Variants in TTLL11 observed in about 807,000 individuals in gnomAD.
The protein encoded by TTLL11 is tubulin tyrosine ligase like 11.
A neutral mutation model predicts 51.7 loss-of-function variants in TTLL11; 42 were observed. The observed-to-expected ratio is 0.81, with a 90% CI of 0.64 to 1.05. The LOEUF is 1.05. Among genes scored for constraint, TTLL11 ranks in the 50% least tolerant of loss-of-function variants. TTLL11 has a pLI of 0.00. For missense variants in TTLL11, 799 were observed against 940.4 expected, an observed-to-expected ratio of 0.85 and a Z score of 1.97; for synonymous variants, 381 against 383.5, an observed-to-expected ratio of 0.99 and a Z score of 0.08.
chr9:122,024,764 T>G (rs1411365353), intron 3 of TTLL11, among the ~76,000 whole-genome samples: 2 of 152,158 alleles, frequency 1.3e-5, no homozygotes, highest in African/African-American at 4.8e-5. Context: ...TTACACCATA[T>G]ACAAAAATTA....
At chr9:122,021,012 C>G (rs1265799374) in intron 3 of TTLL11, among the ~76,000 whole-genome samples, 2 of 152,200 alleles carry the variant, frequency 1.3e-5, no homozygotes, top group Non-Finnish European at 2.9e-5. Flanking sequence ...GTTATGTAGT[C>G]ATTCTTTTAG....
Position 121,903,732 on chromosome 9 carries a change from G to A in TTLL11, c.1482-32984C>T, listed in dbSNP as rs192570753. ...TTACACACACAGATATCCCATAGGC[G>A]CCCAGTGGCTGGTATAAGGCAGTCA... On this transcript the variant is annotated intron_variant, in intron 6 of 8. Transcript: ENST00000321582. Among the ~76,000 whole-genome samples, 123 of 152,154 alleles carry A rather than the reference G, an allele frequency of 8.1e-4. 3 individuals are homozygous for A. The highest frequency in any genetic ancestry group is 2.6e-3 in the Admixed American group (40 of 15,282).
intron 6 of TTLL11, among the ~76,000 whole-genome samples, chr9:121,931,141 C>T (rs536279447): frequency 6.6e-6 from 1 of 152,378 alleles, no homozygotes; most frequent in South Asian, 2.1e-4. Flanking sequence ...CCCTGCTCCA[C>T]CTGGCTCAGC....
chr9:121,824,404 A>T (rs1490971435), intron 8 of TTLL11, among the ~76,000 whole-genome samples: 1 of 149,564 alleles, frequency 6.7e-6, no homozygotes, highest in Non-Finnish European at 1.5e-5. Context: ...TGAACCAGGA[A>T]GTCAGAGGTT....
intron 8 of TTLL11, among the ~76,000 whole-genome samples, chr9:121,826,173 T>TAA (rs1554756620): frequency 2.9e-5 from 2 of 69,640 alleles, no homozygotes; most frequent in Admixed American, 1.9e-4. Context: ...TATATATATA[T>TAA]AACCAGTAAC....
chr9:121,866,919 T>C (rs573816158), intron 7 of TTLL11, among the ~76,000 whole-genome samples: 1 of 152,192 alleles, frequency 6.6e-6, no homozygotes, highest in Non-Finnish European at 1.5e-5. Flanking sequence ...CAGGACCTAA[T>C]AGTCCCTAAT....
chr9:121,995,271 C>T lies in TTLL11; in HGVS notation c.694-5501G>A, dbSNP rs1037188960. On this transcript the variant is annotated intron_variant, in intron 3 of 8. Coordinates refer to ENST00000321582, the MANE Select transcript of TTLL11 (RefSeq NM_001139442.2). The surrounding 1 kb of genome is among the most constrained non-coding windows in gnomAD (Gnocchi z 4.4). ...ACCCCAAACACCCTGTATTTATACT[C>T]GATCTGCAGGCGAAGGATGGAGTTT... 1.3e-5 allele frequency among the ~76,000 whole-genome samples: 2 copies of T among 152,068 alleles called. No homozygotes were observed. Among genetic ancestry groups the T allele is most frequent in the Non-Finnish European group, 2.9e-5 (2 of 68,014 alleles).
chr9:122,065,282 GTAATTTAGCCTCGC>G (rs1564382272), intron 1 of TTLL11, among the ~76,000 whole-genome samples: 5 of 152,160 alleles, frequency 3.3e-5, no homozygotes. Context: ...GTTCCTCGAA[GTAATTTAGCCTCGC>G]AAGAAGAAAA....
At chr9:121,911,376 AAC>A (rs1456475151) in intron 6 of TTLL11, among the ~76,000 whole-genome samples, 1 of 152,142 alleles carries the variant, frequency 6.6e-6, no homozygotes, top group Non-Finnish European at 1.5e-5. Context: ...CAGCCTGGGA[AAC>A]AGAGTGAGAC....
In TTLL11 at chr9:121,854,148, G is replaced by A. The variant is rs115742492; in HGVS notation, c.1840+6189C>T. On this transcript the variant is annotated intron_variant, in intron 8 of 8. Coordinates refer to ENST00000321582, the MANE Select transcript of TTLL11 (RefSeq NM_001139442.2). The stretch of plus-strand genomic sequence containing the variant: ...GAGGTTAGCTAGCAAGTGACCAAGC[G>A]CAGATTGAAAGCCCAGTTTGTCTGA... 1.8e-3 allele frequency among the ~76,000 whole-genome samples: 275 copies of A among 152,250 alleles called. 1 individual carries two copies. The highest frequency in any genetic ancestry group is 6.2e-3 in the African/African-American group (259 of 41,550).
intron 6 of TTLL11, among the ~76,000 whole-genome samples, chr9:121,906,430 A>G (rs1839951864): frequency 6.6e-6 from 1 of 152,084 alleles, no homozygotes; most frequent in African/African-American, 2.4e-5. Flanking sequence ...TGCCCTGCTC[A>G]TCACCAGTGC....
At chr9:122,043,847 TTTC>T (rs1309587772) in intron 1 of TTLL11, among the ~76,000 whole-genome samples, 1 of 152,090 alleles carries the variant, frequency 6.6e-6, no homozygotes, top group African/African-American at 2.4e-5. Context: ...TATATATTTT[TTTC>T]TTTTCTTTTT....
At chr9:121,863,118 C>G (rs532256311) in intron 7 of TTLL11, among the ~76,000 whole-genome samples, 1 of 152,146 alleles carries the variant, frequency 6.6e-6, no homozygotes, top group Non-Finnish European at 1.5e-5. Context: ...GCTCCTGCTC[C>G]GTATTTCAAT....
At chr9:121,983,536 G>T (rs1842870602) in intron 4 of TTLL11, among the ~76,000 whole-genome samples, 1 of 152,220 alleles carries the variant, frequency 6.6e-6, no homozygotes, top group Non-Finnish European at 1.5e-5. Context: ...AACACTGACA[G>T]GTCCAGAAGA....
chr9:121,870,878 G>A, intron 6 of TTLL11, 130 bp from the exon 7 acceptor site: 1 of 1,093,016 alleles, frequency 9.1e-7, no homozygotes, highest in Admixed American at 3.0e-5. Context: ...ACTGACCACA[G>A]AGAAGTGACC....
intron 3 of TTLL11, among the ~76,000 whole-genome samples, chr9:122,006,400 T>G (rs917365257): frequency 6.6e-6 from 1 of 151,936 alleles, no homozygotes; most frequent in African/African-American, 2.4e-5. Context: ...TTTTCTGGAT[T>G]TTTTTTTAGT....
chr9:121,933,007 G>A (rs1013105442), intron 6 of TTLL11, among the ~76,000 whole-genome samples: 2 of 152,130 alleles, frequency 1.3e-5, no homozygotes, highest in Admixed American at 1.3e-4. Context: ...GATGTCTCAC[G>A]GAAAAGATTG....
intron 8 of TTLL11, among the ~76,000 whole-genome samples, chr9:121,836,616 A>G (rs1012815465): frequency 6.6e-6 from 1 of 152,182 alleles, no homozygotes; most frequent in Non-Finnish European, 1.5e-5. Flanking sequence ...GGCAGTAACC[A>G]TGACCACTCA....
chr9:121,988,362 C>T (rs935257098), intron 4 of TTLL11, among the ~76,000 whole-genome samples: 2 of 152,048 alleles, frequency 1.3e-5, no homozygotes, highest in Admixed American at 6.6e-5. Flanking sequence ...GGACCACCCC[C>T]CCGAACCAAT....
Sources: gnomAD v4.1 joint callset for allele counts (sites outside exome capture counted in the v4.1 genomes callset) on GRCh38, gnomAD v4.1.1 for gene constraint, Gnocchi (gnomAD v3.1) non-coding constraint, MANE v1.5 for transcripts, NCBI Gene and HGNC (gene_info 2026-07-23, HGNC 2026-07-21) for gene names.